The following TAF15 variants were observed in gnomAD, a reference collection of about 807,000 sequenced individuals.
TAF15 encodes the protein TATA-box binding protein associated factor 15, also known as TATA-binding protein-associated factor 2N.
In TAF15, 37 loss-of-function variants were observed where a neutral mutation model predicts 102.5. That is an observed-to-expected ratio of 0.36 (90% CI 0.28 to 0.47). TAF15 has a LOEUF of 0.47. TAF15 is among the 20% of genes least tolerant of loss of function. The pLI is 0.99. For missense variants in TAF15, 652 were observed against 760.7 expected, an observed-to-expected ratio of 0.86 and a Z score of 1.68; for synonymous variants, 273 against 259.2, an observed-to-expected ratio of 1.05 and a Z score of -0.51.
At chr17:35,832,650 G>T (rs1450097332) in intron 7 of TAF15, among the ~76,000 whole-genome samples, 1 of 151,978 alleles carries the variant, frequency 6.6e-6, no homozygotes, top group Non-Finnish European at 1.5e-5. Flanking sequence ...AATAGAATAA[G>T]ATCATTAGTA....
rs562461506 is a variant in TAF15, at chr17:35,839,370, C to CTTT, written c.913+844_913+846dup. ...TTAATACATACTTAGAAGAAATAGA[C>CTTT]TTTTTTTTTTTTTTTTTTTTTTTTT... is the stretch of plus-strand genomic sequence containing the variant. On this transcript the variant is annotated intron_variant, in intron 11 of 15. Transcript: ENST00000605844. Among the ~76,000 whole-genome samples the CTTT allele has an allele frequency of 3.8e-3, 200 of 52,420 alleles. 63 individuals are homozygous for CTTT. The highest frequency in any genetic ancestry group is 9.9e-3 in the African/African-American group (110 of 11,162). 34.4% of individuals were successfully genotyped at this position (52,420 alleles called of 152,430 possible).
intron 1 of TAF15, among the ~76,000 whole-genome samples, chr17:35,814,687 T>C (rs1443667917): frequency 6.6e-6 from 1 of 151,822 alleles, no homozygotes; most frequent in Admixed American, 6.6e-5. Flanking sequence ...ACTCCATCTC[T>C]ATTAAAAATA....
chr17:35,815,862 A>G (rs2087189350), intron 1 of TAF15, among the ~76,000 whole-genome samples: 1 of 152,150 alleles, frequency 6.6e-6, no homozygotes, highest in Non-Finnish European at 1.5e-5. Context: ...CTATCTTCTC[A>G]TGGGCCTGGC....
intron 2 of TAF15, among the ~76,000 whole-genome samples, chr17:35,818,245 G>A (rs937951394): frequency 3.3e-5 from 5 of 152,022 alleles, no homozygotes; most frequent in South Asian, 2.1e-4. Flanking sequence ...ACAGGCGCTC[G>A]CCAGCACACC....
chr17:35,838,345 AT>A (rs1159955925), intron 10 of TAF15, 78 bp from the exon 11 acceptor site: 7 of 1,584,504 alleles, frequency 4.4e-6, no homozygotes, highest in East Asian at 2.2e-5. Flanking sequence ...TGTAAAAAAA[AT>A]AAATCTTTGA....
intron 7 of TAF15, among the ~76,000 whole-genome samples, chr17:35,824,920 G>GT (rs994749300): frequency 4.3e-5 from 6 of 139,130 alleles, no homozygotes; most frequent in African/African-American, 1.8e-4. Context: ...TACTTTGACT[G>GT]TAAAAAAAAA....
chr17:35,821,128 G>A (rs1006221929), intron 5 of TAF15, among the ~76,000 whole-genome samples: 1 of 152,158 alleles, frequency 6.6e-6, no homozygotes, highest in Non-Finnish European at 1.5e-5. Context: ...ATCAAGTGAC[G>A]TGGCTAAAAA....
chr17:35,834,499 ATT>A, intron 8 of TAF15, 65 bp from the exon 9 acceptor site: 2 of 1,505,792 alleles, frequency 1.3e-6, no homozygotes, highest in Non-Finnish European at 1.8e-6. Flanking sequence ...GTTTATTACT[ATT>A]TTTTTTGTTA....
chr17:35,830,079 G>T (rs556404483), intron 7 of TAF15: 2 of 152,114 alleles, frequency 1.3e-5, no homozygotes, highest in Middle Eastern at 6.8e-3. Flanking sequence ...GTTGGAGGTT[G>T]CAGTGAGCCG....
intron 9 of TAF15, among the ~76,000 whole-genome samples, chr17:35,834,806 C>T (rs2087454346): frequency 7.3e-6 from 1 of 136,326 alleles, no homozygotes; most frequent in African/African-American, 2.9e-5. Flanking sequence ...AGTGCAGTGG[C>T]ACAGTCTTGG....
At chr17:35,832,263 G>A (rs1357774130) in intron 7 of TAF15, among the ~76,000 whole-genome samples, 1 of 152,182 alleles carries the variant, frequency 6.6e-6, no homozygotes, top group Non-Finnish European at 1.5e-5. Flanking sequence ...TAGAAATTCA[G>A]TGGCAAACTG....
chr17:35,825,062 T>G (rs757336911), intron 7 of TAF15, among the ~76,000 whole-genome samples: 19 of 152,302 alleles, frequency 1.2e-4, no homozygotes, highest in Middle Eastern at 3.4e-3. Flanking sequence ...TTACAGAAAC[T>G]TATCAGTCAT....
chr17:35,823,974 A>G (rs2087295301), intron 6 of TAF15, 104 bp from the exon 7 acceptor site: 22 of 1,457,242 alleles, frequency 1.5e-5, no homozygotes, highest in African/African-American at 2.8e-5. Flanking sequence ...CACATGTGCC[A>G]TTTTCTATAA....
At chr17:35,845,834 C>G (rs1000695135) in intron 15 of TAF15, among the ~76,000 whole-genome samples, 3 of 152,160 alleles carry the variant, frequency 2.0e-5, no homozygotes, top group Non-Finnish European at 4.4e-5. Flanking sequence ...TTCGGTGTAT[C>G]TGTGTATTAT....
In TAF15 at chr17:35,844,624, G is replaced by T. The variant is rs1457039138; in HGVS notation, c.1325G>T (p.Ser442Ile). ...SSGGGYSGDR[S>I]GGGYGGDRSG... ...GGTGGTGGCTACAGCGGAGATAGAAGTGGGGGCGGCTATGGTGGAGACAGA... is the reference window on the plus strand; with the variant it reads ...GGTGGTGGCTACAGCGGAGATAGAATTGGGGGCGGCTATGGTGGAGACAGA... Residue 442 changes from serine (S) to isoleucine (I), a missense_variant, in exon 15 of 16, where the codon AGT becomes ATT. This residue lies in a region of TAF15 where 368 missense variants were observed against 367.5 expected (regional missense o/e 1.00). Transcript: ENST00000605844. 6.2e-7 allele frequency: 1 copy of T among 1,604,004 alleles called. No individual in the cohort carries two copies. The highest frequency in any genetic ancestry group is 1.3e-5 in the African/African-American group (1 of 74,268).
At chr17:35,815,789 G>C (rs866485154) in intron 1 of TAF15, among the ~76,000 whole-genome samples, 14 of 152,000 alleles carry the variant, frequency 9.2e-5, no homozygotes, top group African/African-American at 3.4e-4. Flanking sequence ...ATCTCTTAAT[G>C]GTCTAATTAG....
rs148009008 is a variant in TAF15, at chr17:35,844,154, A to C, written c.1084A>C (p.Asn362His). 6.2e-7 allele frequency: 1 copy of C among 1,613,892 alleles called. No individual in the cohort carries two copies. Among genetic ancestry groups the C allele is most frequent in the African/African-American group, 1.3e-5 (1 of 74,890 alleles). The change falls in exon 13 of 16, where the codon AAT becomes CAT. Residue 362 changes from asparagine (N) to histidine (H), a missense_variant. Physicochemically the swap from Asn to His is moderately conservative, Grantham distance 68 (BLOSUM62 1). This residue lies in a region of TAF15 where 368 missense variants were observed against 367.5 expected (regional missense o/e 1.00). Transcript: ENST00000605844. ...CAAAAGTGGGGATTGGGTTTGCCCT[A>C]ATCCGTAAGTGTCTTGTTTACTTTG... ...DPKSGDWVCP[N>H]PSCGNMNFAR...
chr17:35,827,444 G>A (rs1031577907), intron 7 of TAF15, among the ~76,000 whole-genome samples: 2 of 152,052 alleles, frequency 1.3e-5, no homozygotes, highest in African/African-American at 2.4e-5. Context: ...GGTGGCTCAC[G>A]CCTGTAATTC....
intron 7 of TAF15, among the ~76,000 whole-genome samples, chr17:35,830,717 G>T (rs1223944642): frequency 8.5e-5 from 13 of 152,290 alleles, no homozygotes; most frequent in Admixed American, 7.2e-4. Flanking sequence ...AGATCATCTA[G>T]ATCAATGCCT....
Sources: allele counts gnomAD v4.1 joint callset (sites outside exome capture counted in the v4.1 genomes callset), GRCh38; gene constraint gnomAD v4.1.1; regional missense constraint gnomAD v4.1.1; transcripts MANE v1.5; gene names NCBI Gene and HGNC (gene_info 2026-07-23, HGNC 2026-07-21).